The following ANKRD30A variants were observed in gnomAD, a reference collection of about 807,000 sequenced individuals.
ANKRD30A encodes ankyrin repeat domain 30A.
In ANKRD30A, 170 loss-of-function variants were observed where a neutral mutation model predicts 166.3. That is an observed-to-expected ratio of 1.02 (90% CI 0.90 to 1.16). The LOEUF (loss-of-function observed/expected upper bound fraction) is 1.16. ANKRD30A is among the 50% of genes most tolerant of loss of function. ANKRD30A has a pLI of 0.00. For synonymous variants in ANKRD30A, 564 were observed against 508.9 expected (o/e 1.11, Z -1.46); for missense variants, 1,630 against 1,518.0 (o/e 1.07, Z -1.23).
chr10:37,200,327 T>C (rs1304999800), intron 30 of ANKRD30A, among the ~76,000 whole-genome samples: 1 of 152,036 alleles, frequency 6.6e-6, no homozygotes, highest in African/African-American at 2.4e-5. Flanking sequence ...GGGAGTATAA[T>C]AACAAGAGTA....
the ANKRD30A span, among the ~76,000 whole-genome samples, chr10:37,247,376 T>C: frequency 6.6e-6 from 1 of 152,204 alleles, no homozygotes; most frequent in Admixed American, 6.5e-5. Context: ...TTTATGATGC[T>C]TTTAGTGTTC....
intron 21 of ANKRD30A, among the ~76,000 whole-genome samples, chr10:37,171,576 C>T (rs557086858): frequency 6.6e-6 from 1 of 151,814 alleles, no homozygotes; most frequent in African/African-American, 2.4e-5. Context: ...TTCAGAGATG[C>T]TCAGATCAGA....
intron 24 of ANKRD30A, among the ~76,000 whole-genome samples, chr10:37,179,035 T>G (rs1316861436): frequency 5.2e-5 from 3 of 57,296 alleles, no homozygotes; most frequent in African/African-American, 1.4e-4. Flanking sequence ...TATATATATA[T>G]ATATATATAT....
chr10:37,205,477 A>G (rs190431294), intron 31 of ANKRD30A, among the ~76,000 whole-genome samples: 219 of 152,312 alleles, frequency 1.4e-3, no homozygotes, highest in African/African-American at 5.0e-3. Flanking sequence ...GAGGGATAGC[A>G]TTAAGAGAAA....
At chr10:37,261,616 A>G in the ANKRD30A span, among the ~76,000 whole-genome samples, 1 of 152,330 alleles carries the variant, frequency 6.6e-6, no homozygotes, top group African/African-American at 2.4e-5. Flanking sequence ...GTAAATTCCA[A>G]TGCAGATCAA....
At chr10:37,135,461 T>C (rs779832484) in intron 5 of ANKRD30A, 1 of 152,210 alleles carries the variant, frequency 6.6e-6, no homozygotes, top group Non-Finnish European at 1.5e-5. Flanking sequence ...AAAATATTTA[T>C]GTAAGGTGAT....
chr10:37,156,281 G>T (rs573315040), intron 13 of ANKRD30A, among the ~76,000 whole-genome samples: 2 of 152,132 alleles, frequency 1.3e-5, no homozygotes, highest in Admixed American at 1.3e-4. Context: ...CATTTCAATA[G>T]CCATTACAAA....
intron 31 of ANKRD30A, among the ~76,000 whole-genome samples, chr10:37,206,467 C>A (rs1842002334): frequency 6.6e-6 from 1 of 151,796 alleles, no homozygotes; most frequent in Admixed American, 6.6e-5. Context: ...AATCCATTGG[C>A]TTTTTTTTGT....
At chr10:37,132,894 G>T (rs892571983) in intron 4 of ANKRD30A, among the ~76,000 whole-genome samples, 2 of 152,078 alleles carry the variant, frequency 1.3e-5, no homozygotes, top group Non-Finnish European at 2.9e-5. Flanking sequence ...GCTACTCTGT[G>T]GGGGGCTGAG....
chr10:37,141,552 G>A (rs2132531934), intron 6 of ANKRD30A, among the ~76,000 whole-genome samples, 166 bp from the exon 7 acceptor site: 1 of 129,990 alleles, frequency 7.7e-6, no homozygotes, highest in Middle Eastern at 5.2e-3. Flanking sequence ...CAGCATGGGT[G>A]ACTGAGTGAG....
At chr10:37,172,591 C>T (rs1588861202) in intron 21 of ANKRD30A, among the ~76,000 whole-genome samples, 5 of 118,256 alleles carry the variant, frequency 4.2e-5, no homozygotes, top group Admixed American at 1.9e-4. Context: ...AGTCAGGTAA[C>T]GGGACAAACA....
At chr10:37,214,784 CA>C (rs1444501775) in intron 31 of ANKRD30A, among the ~76,000 whole-genome samples, 1 of 151,154 alleles carries the variant, frequency 6.6e-6, no homozygotes, top group Non-Finnish European at 1.5e-5. Context: ...TGTGTATTTT[CA>C]TTTCTTCTCT....
chr10:37,210,562 A>G (rs112669805), intron 31 of ANKRD30A, among the ~76,000 whole-genome samples: 2 of 152,136 alleles, frequency 1.3e-5, no homozygotes, highest in African/African-American at 4.8e-5. Context: ...ACAATGGTTG[A>G]ACTAATTTTC....
Position 37,164,874 on chromosome 10 carries a change from A to G in ANKRD30A, c.2003-220A>G, listed in dbSNP as rs145722738. ...ATTCATACAAGTTAGTCAAATTTCT[A>G]TTTTTCTGCATTCTAATGACATAAT... On this transcript the variant is annotated intron_variant, in intron 17 of 35. Coordinates refer to ENST00000361713, the MANE Select transcript of ANKRD30A (RefSeq NM_052997.3). Among the ~76,000 whole-genome samples, 464 of 152,086 alleles carry G rather than the reference A, an allele frequency of 3.1e-3. 5 individuals are homozygous for G. Among genetic ancestry groups the G allele is most frequent in the African/African-American group, 0.011 (456 of 41,488 alleles).
chr10:37,161,956 GTTAT>G, intron 15 of ANKRD30A, among the ~76,000 whole-genome samples: 1 of 152,040 alleles, frequency 6.6e-6, no homozygotes, highest in East Asian at 1.9e-4. Flanking sequence ...ATATAAAAAA[GTTAT>G]TTATGTTTAA....
chr10:37,219,673 C>G lies in ANKRD30A; in HGVS notation c.3961C>G (p.Gln1321Glu). 1 of 1,609,392 alleles carries G rather than the reference C, an allele frequency of 6.2e-7. No individual in the cohort carries two copies. Among genetic ancestry groups the G allele is most frequent in the South Asian group, 1.1e-5 (1 of 90,898 alleles). The change falls in exon 34 of 36, where the codon CAG becomes GAG. Residue 1321 changes from glutamine (Q) to glutamate (E), a missense_variant. Gln to Glu is a conservative substitution (Grantham distance 29, BLOSUM62 2). This residue lies in a region of ANKRD30A where 712 missense variants were observed against 629.3 expected (regional missense o/e 1.13). Coordinates refer to ENST00000361713, the MANE Select transcript of ANKRD30A (RefSeq NM_052997.3). ...KHTEQQESLD[Q>E]KLFQLQSKNM... is the part of the protein sequence containing the mutation. Reference sequence around the variant, plus strand: ...CACTGAACAGCAGGAGTCTCTAGATCAGAAATTATTTCAACTACAAAGCAA... The same window carrying G: ...CACTGAACAGCAGGAGTCTCTAGATGAGAAATTATTTCAACTACAAAGCAA...
intron 1 of ANKRD30A, among the ~76,000 whole-genome samples, chr10:37,126,444 A>G (rs1227770879): frequency 6.6e-6 from 1 of 152,240 alleles, no homozygotes; most frequent in Non-Finnish European, 1.5e-5. Context: ...TTCTTGGCTA[A>G]AAATTATCTG....
the ANKRD30A span, among the ~76,000 whole-genome samples, chr10:37,239,102 A>T: frequency 1.5e-4 from 23 of 152,282 alleles, no homozygotes; most frequent in Non-Finnish European, 2.9e-4. Context: ...TGTAAAGAGG[A>T]ACACTCCAGA....
chr10:37,146,513 CG>C (rs1837527356), intron 8 of ANKRD30A, among the ~76,000 whole-genome samples: 1 of 152,040 alleles, frequency 6.6e-6, no homozygotes, highest in Non-Finnish European at 1.5e-5. Flanking sequence ...ACCCCTGACC[CG>C]GGGACAGATG....
Sources: gnomAD v4.1 joint callset for allele counts (sites outside exome capture counted in the v4.1 genomes callset) on GRCh38, gnomAD v4.1.1 for gene constraint, gnomAD v4.1.1 regional missense constraint, MANE v1.5 for transcripts, NCBI Gene and HGNC (gene_info 2026-07-23, HGNC 2026-07-21) for gene names.